TENM2: variants seen among roughly 807,000 people sequenced by gnomAD.
TENM2 encodes teneurin transmembrane protein 2, also known as teneurin-2.
A neutral mutation model predicts 245.2 loss-of-function variants in TENM2; 52 were observed. The ratio of observed to expected loss-of-function variants is 0.21; its 90% CI spans 0.17 to 0.27. The LOEUF is 0.27. Ranked by LOEUF, TENM2 falls within the 10% of genes least tolerant of loss-of-function variation. The pLI, the probability that TENM2 is intolerant of heterozygous loss-of-function variation, is 1.00. For missense variants in TENM2, 3,046 were observed against 3,666.8 expected, an observed-to-expected ratio of 0.83 and a Z score of 4.37; for synonymous variants, 1,363 against 1,438.9, an observed-to-expected ratio of 0.95 and a Z score of 1.19.
At chr5:167,941,966 G>A (rs1206715666) in intron 3 of TENM2, among the ~76,000 whole-genome samples, 1 of 152,176 alleles carries the variant, frequency 6.6e-6, no homozygotes, top group Non-Finnish European at 1.5e-5. Context: ...CCAGCACTTT[G>A]GGAGGTCAAG....
chr5:167,750,651 A>T (rs533368450), intron 2 of TENM2, among the ~76,000 whole-genome samples: 2 of 152,194 alleles, frequency 1.3e-5, no homozygotes, highest in East Asian at 1.9e-4. Flanking sequence ...GCCTTTTTGA[A>T]TATTAAACTC....
At chr5:167,942,841 C>T (rs1429746783) in intron 3 of TENM2, among the ~76,000 whole-genome samples, 4 of 152,168 alleles carry the variant, frequency 2.6e-5, no homozygotes, top group Admixed American at 2.6e-4. Flanking sequence ...CCAGCAAAAT[C>T]CAGAGAGTGC....
At chr5:167,223,539 C>T in the TENM2 span, among the ~76,000 whole-genome samples, 9 of 151,970 alleles carry the variant, frequency 5.9e-5, no homozygotes, top group Non-Finnish European at 1.0e-4. Context: ...TTTTAATGGC[C>T]AGATAATGTT....
At chr5:167,480,241 C>T (rs577436071) in intron 2 of TENM2, among the ~76,000 whole-genome samples, 1 of 152,314 alleles carries the variant, frequency 6.6e-6, no homozygotes, top group African/African-American at 2.4e-5. Context: ...TACTTCCCCT[C>T]TCTCTTCCTC....
chr5:168,121,855 A>G (rs576945348), intron 10 of TENM2, among the ~76,000 whole-genome samples: 1 of 152,352 alleles, frequency 6.6e-6, no homozygotes, highest in South Asian at 2.1e-4. Flanking sequence ...CTTACTAGAA[A>G]TGGGGGCAGA....
At chr5:168,256,234 G>GTA (rs528026427) in intron 27 of TENM2, among the ~76,000 whole-genome samples, 1,957 of 151,192 alleles carry the variant, frequency 0.013, 21 homozygotes, top group Non-Finnish European at 0.02. Context: ...ATATATATGT[G>GTA]TATATATATG....
chr5:167,758,849 G>T (rs934588240), intron 2 of TENM2, among the ~76,000 whole-genome samples: 1 of 151,956 alleles, frequency 6.6e-6, no homozygotes, highest in African/African-American at 2.4e-5. Context: ...GGTGTCATCT[G>T]CTTTCATGCT....
chr5:168,118,259 C>T (rs377640303), intron 9 of TENM2, 33 bp from the exon 12 acceptor site: 850 of 1,467,114 alleles, frequency 5.8e-4, no homozygotes, highest in Non-Finnish European at 7.3e-4. Context: ...GCTGGCCCTT[C>T]GTGACCTAGT....
chr5:167,361,370 A>T (rs547832065), intron 1 of TENM2, among the ~76,000 whole-genome samples: 15 of 152,096 alleles, frequency 9.9e-5, no homozygotes, highest in Non-Finnish European at 1.9e-4. Flanking sequence ...TAAGAATTTG[A>T]TTTATATTTT....
intron 2 of TENM2, among the ~76,000 whole-genome samples, chr5:167,611,139 T>G (rs560126185): frequency 6.6e-6 from 1 of 152,312 alleles, no homozygotes; most frequent in East Asian, 1.9e-4. Context: ...AGGGGTTCAC[T>G]TTTCGGATTC....
intron 2 of TENM2, among the ~76,000 whole-genome samples, chr5:167,403,911 T>C (rs1448225963): frequency 6.6e-6 from 1 of 151,988 alleles, no homozygotes; most frequent in Non-Finnish European, 1.5e-5. Flanking sequence ...TGTTTTTTTT[T>C]TTTTTAAGTA....
At chr5:168,190,235 T>C in intron 13 of TENM2, 102 bp from the exon 16 acceptor site, 1 of 851,868 alleles carries the variant, frequency 1.2e-6, no homozygotes, top group South Asian at 1.7e-5. Context: ...TTGGGTACGT[T>C]TGATGCTGCT....
At chr5:167,644,462 G>C (rs1779801246) in intron 2 of TENM2, among the ~76,000 whole-genome samples, 1 of 152,122 alleles carries the variant, frequency 6.6e-6, no homozygotes, top group African/African-American at 2.4e-5. Flanking sequence ...CCAGAGTGTT[G>C]AAAAAGAGTC....
intron 10 of TENM2, among the ~76,000 whole-genome samples, chr5:168,120,982 A>C (rs983162820): frequency 6.6e-6 from 1 of 152,190 alleles, no homozygotes; most frequent in Non-Finnish European, 1.5e-5. Flanking sequence ...ATGAGAGAGG[A>C]GTTGACATAT....
intron 3 of TENM2, among the ~76,000 whole-genome samples, chr5:167,943,113 G>A (rs531773625): frequency 7.9e-5 from 12 of 152,312 alleles, no homozygotes; most frequent in African/African-American, 2.4e-4. Flanking sequence ...AGAAACTTTT[G>A]TTCCCTTGCC....
At chr5:167,273,514 T>C in the TENM2 span, among the ~76,000 whole-genome samples, 1 of 152,142 alleles carries the variant, frequency 6.6e-6, no homozygotes, top group Non-Finnish European at 1.5e-5. Context: ...TCATAAGCAA[T>C]AAATACATTT....
At chr5:167,573,187 C>T (rs1774396413) in intron 2 of TENM2, among the ~76,000 whole-genome samples, 1 of 152,076 alleles carries the variant, frequency 6.6e-6, no homozygotes. Flanking sequence ...AGTAAAACTA[C>T]ATTGCAAATT....
At chr5:167,943,617 G>T (rs2151786274) in intron 3 of TENM2, among the ~76,000 whole-genome samples, 1 of 152,282 alleles carries the variant, frequency 6.6e-6, no homozygotes, top group South Asian at 2.1e-4. Flanking sequence ...TGATGAGCTG[G>T]AATGAGAGGA....
At chr5:167,064,287 T>C in the TENM2 span, among the ~76,000 whole-genome samples, 1 of 152,202 alleles carries the variant, frequency 6.6e-6, no homozygotes, top group Non-Finnish European at 1.5e-5. Flanking sequence ...TCAACAAACT[T>C]CCACGGCCCA....
Sources: gnomAD v4.1 joint callset for allele counts (sites outside exome capture counted in the v4.1 genomes callset) on GRCh38, gnomAD v4.1.1 for gene constraint, MANE v1.5 for transcripts, NCBI Gene and HGNC (gene_info 2026-07-23, HGNC 2026-07-21) for gene names.